Variants in UBXN11 observed in about 807,000 individuals in gnomAD.
UBXN11 encodes UBX domain-containing protein 11.
In UBXN11, 47 loss-of-function variants were observed where a neutral mutation model predicts 62.8. The observed-to-expected ratio is 0.75, with a 90% CI of 0.59 to 0.95. UBXN11 has a LOEUF of 0.95. Ranked by LOEUF, UBXN11 falls within the 40% of genes least tolerant of loss-of-function variation. The pLI is 0.00. For synonymous variants in UBXN11, 294 were observed against 267.0 expected (o/e 1.10, Z -0.99); for missense variants, 638 against 661.7 (o/e 0.96, Z 0.39).
chr1:26,307,870 G>A (rs113425602), upstream of UBXN11, among the ~76,000 whole-genome samples: 1 of 151,864 alleles, frequency 6.6e-6, no homozygotes, highest in Non-Finnish European at 1.5e-5. Context: ...CAAGCCATCC[G>A]CCCATCTCTG....
At chr1:26,296,619 C>T (rs1448791092) in intron 7 of UBXN11, among the ~76,000 whole-genome samples, 2 of 152,180 alleles carry the variant, frequency 1.3e-5, no homozygotes, top group Non-Finnish European at 2.9e-5. Context: ...AGGGGCCAGC[C>T]CGCAGGGGCC....
chr1:26,293,590 T>G (rs758918179), intron 8 of UBXN11, among the ~76,000 whole-genome samples: 87 of 151,760 alleles, frequency 5.7e-4, no homozygotes, highest in Non-Finnish European at 3.1e-4. Flanking sequence ...GCTGGGTGTG[T>G]TGGCACACAC....
intron 5 of UBXN11, 30 bp downstream of exon 5, chr1:26,297,932 C>T: frequency 1.2e-6 from 2 of 1,608,636 alleles, no homozygotes; most frequent in Admixed American, 1.7e-5. Flanking sequence ...CTCAGACCGG[C>T]CCCTGGCCCT....
chr1:26,316,540 G>T (rs2073796946), intron 1 of UBXN11, among the ~76,000 whole-genome samples: 1 of 152,024 alleles, frequency 6.6e-6, no homozygotes, highest in Non-Finnish European at 1.5e-5. Context: ...TTCTAGGGCA[G>T]CCCCAGAGGT....
chr1:26,283,057 G>A, intron 12 of UBXN11, 120 bp from the exon 13 acceptor site: 1 of 1,319,924 alleles, frequency 7.6e-7, no homozygotes, highest in South Asian at 1.2e-5. Context: ...AAGCGGGAGG[G>A]GGTGTTCTGT....
intron 1 of UBXN11, 40 bp from the exon 2 acceptor site, chr1:26,302,958 A>T: frequency 6.8e-7 from 1 of 1,460,334 alleles, no homozygotes; most frequent in Non-Finnish European, 9.5e-7. Context: ...GGACAGACTC[A>T]GGGCTCCAAG....
At chr1:26,287,030 A>C (rs940846797) in intron 8 of UBXN11, among the ~76,000 whole-genome samples, 17 of 152,180 alleles carry the variant, frequency 1.1e-4, no homozygotes, top group Admixed American at 1.0e-3. Context: ...CATTTTACAC[A>C]TGAGGAAACA....
chr1:26,299,559 T>C (rs1570121312), intron 4 of UBXN11, among the ~76,000 whole-genome samples: 1 of 143,332 alleles, frequency 7.0e-6, no homozygotes, highest in Non-Finnish European at 1.5e-5. Flanking sequence ...AAGGAGGTGG[T>C]GATGACAGCT....
chr1:26,282,413 A>T lies in UBXN11; in HGVS notation c.1449T>A (p.Pro483=), dbSNP rs201519763. The T allele has an allele frequency of 1.9e-6, 3 of 1,572,142 alleles. No homozygotes were observed. In the East Asian group the frequency reaches 9.7e-5, roughly 51 times the overall value. ...CGGGACCGGGACCGGGACAGGGACC[A>T]GGACTGAATTTCAGGCTGGACTTCG... is the stretch of plus-strand genomic sequence containing the variant. ...RAPKSSLKFS[P]GPCPGPGPGP... is the part of the protein sequence containing the mutation. Residue 483 remains proline, a synonymous_variant, in exon 15 of 15, where the codon CCT becomes CCA. Coordinates refer to ENST00000374222, the MANE Select transcript of UBXN11 (RefSeq NM_001389556.1).
In UBXN11 at chr1:26,297,431, G is replaced by C. The variant is rs779741033; in HGVS notation, c.351C>G (p.His117Gln). ...LEDLVQTLRP[H>Q]PAEATLQRQE... ...AGCCCTCCAAGAGCCCCCTACCTGGGTGTGGCCGGAGGGTCTGCACCAGGT... is the reference window on the plus strand; with the variant it reads ...AGCCCTCCAAGAGCCCCCTACCTGGCTGTGGCCGGAGGGTCTGCACCAGGT... The change falls in exon 6 of 15, where the codon CAC (histidine) becomes CAG (glutamine). Residue 117 changes from histidine to glutamine, a missense_variant. His to Gln is a conservative substitution (Grantham distance 24). Coordinates refer to ENST00000374222, the MANE Select transcript of UBXN11 (RefSeq NM_001389556.1). 15 of 1,549,444 alleles carry C rather than the reference G, an allele frequency of 9.7e-6. No homozygotes were observed. In the Admixed American group the frequency reaches 1.6e-4, roughly 16 times the overall value.
At chr1:26,307,714 C>A (rs1385421446), upstream of UBXN11, among the ~76,000 whole-genome samples, 1 of 151,698 alleles carries the variant, frequency 6.6e-6, no homozygotes, top group Non-Finnish European at 1.5e-5. Context: ...CAACATCCGC[C>A]TCCCAGGCTC....
rs371901792 is a variant in UBXN11 at position 26,318,029 on chromosome 1, C to T, written c.-149+18G>A. 12 of 1,614,206 alleles carry T rather than the reference C, an allele frequency of 7.4e-6. No individual in the cohort carries two copies. The East Asian group carries it at 1.6e-4, about 21-fold the overall frequency. ...AAGATCCTACCAAAATGAAGCGCTT[C>T]CTCTTCCTCCTACTCACCATCAGCC... On this transcript the variant is annotated intron_variant, in intron 1 of 14. Transcript: ENST00000374217.
intron 4 of UBXN11, among the ~76,000 whole-genome samples, chr1:26,298,767 G>A (rs1271858260): frequency 6.9e-6 from 1 of 145,726 alleles, no homozygotes; most frequent in Admixed American, 6.8e-5. Context: ...ACAGAGTGAG[G>A]GACTCTGTCT....
chr1:26,307,332 C>T (rs1341399618), upstream of UBXN11, among the ~76,000 whole-genome samples: 1 of 152,170 alleles, frequency 6.6e-6, no homozygotes, highest in Non-Finnish European at 1.5e-5. Context: ...ACTTTATACA[C>T]CTTAGTTTTT....
intron 5 of UBXN11, 142 bp downstream of exon 5, chr1:26,297,820 G>A (rs2073431960): frequency 1.0e-6 from 1 of 954,818 alleles, no homozygotes; most frequent in South Asian, 1.6e-5. Context: ...TCAGGCCCAG[G>A]CCACACCTGG....
At chr1:26,302,104 C>G (rs2073551511) in intron 2 of UBXN11, among the ~76,000 whole-genome samples, 2 of 152,140 alleles carry the variant, frequency 1.3e-5, no homozygotes, top group Non-Finnish European at 2.9e-5. Context: ...GGCGCGGTGG[C>G]TGGTAATTCC....
At chr1:26,297,565 G>A in intron 5 of UBXN11, 84 bp from the exon 6 acceptor site, 1 of 1,429,656 alleles carries the variant, frequency 7.0e-7, no homozygotes, top group South Asian at 1.4e-5. Context: ...CTTTGCCTAT[G>A]TTGGATGCTG....
intron 8 of UBXN11, among the ~76,000 whole-genome samples, chr1:26,289,145 A>G (rs926699226): frequency 3.3e-5 from 5 of 152,174 alleles, no homozygotes; most frequent in African/African-American, 9.7e-5. Context: ...TCTGGTGGGC[A>G]CTGGAGGGCA....
At position 26,282,496 on chromosome 1, in the gene UBXN11, G is replaced by A. The variant is rs1325907667; in HGVS notation, c.1366C>T (p.Leu456=). ...TTGGGCACAAGGCCTGCAGCCTGCA[G>A]CGTGAGTGTATCGTCCTGGTAGAGG... The part of the protein sequence containing the change: ...PTLYQDDTLT[L]QAAGLVPKAA... Residue 456 remains leucine, a synonymous_variant, in exon 15 of 15, where the codon CTG becomes TTG. Transcript: ENST00000374222. The A allele has an allele frequency of 6.2e-7, 1 of 1,606,734 alleles. No individual in the cohort carries two copies. Among genetic ancestry groups the A allele is most frequent in the African/African-American group, 1.3e-5 (1 of 74,866 alleles).
Sources: gnomAD v4.1 joint callset for allele counts (sites outside exome capture counted in the v4.1 genomes callset) on GRCh38, gnomAD v4.1.1 for gene constraint, MANE v1.5 for transcripts, NCBI Gene and HGNC (gene_info 2026-07-23, HGNC 2026-07-21) for gene names.